The following SLC3A1 variants were observed in gnomAD, a reference collection of about 807,000 sequenced individuals.
SLC3A1 encodes the protein amino acid transporter heavy chain SLC3A1.
In SLC3A1, 78 loss-of-function variants were observed where a neutral mutation model predicts 60.3. That is an observed-to-expected ratio of 1.29 (90% CI 1.08 to 1.56). The LOEUF is 1.56. Ranked by LOEUF, SLC3A1 falls within the 40% of genes most tolerant of loss-of-function variation. The pLI is 0.00. For missense variants in SLC3A1, 1,172 were observed against 858.9 expected (o/e 1.36, Z -4.56); for synonymous variants, 392 against 307.9 (o/e 1.27, Z -2.86).
intron 4 of SLC3A1, among the ~76,000 whole-genome samples, chr2:44,287,708 G>T (rs1671649723): frequency 6.6e-6 from 1 of 152,114 alleles, no homozygotes; most frequent in Non-Finnish European, 1.5e-5. Context: ...TCTTGTTCTT[G>T]TTCTTGCTGC....
chr2:44,318,566 C>G (rs72802999), intron 9 of SLC3A1: 4,665 of 152,110 alleles, frequency 0.031, 103 homozygotes, highest in Non-Finnish European at 0.04. Flanking sequence ...GGTAACATAT[C>G]ACCAACTGTG....
intron 5 of SLC3A1, 88 bp downstream of exon 5, chr2:44,300,178 A>G (rs998877943): frequency 2.2e-6 from 3 of 1,376,072 alleles, no homozygotes; most frequent in Non-Finnish European, 2.1e-6. Context: ...TACCAGTTAC[A>G]AAGATGAGTT....
chr2:44,296,717 G>C (rs1671858767), intron 4 of SLC3A1, among the ~76,000 whole-genome samples: 1 of 152,172 alleles, frequency 6.6e-6, no homozygotes, highest in South Asian at 2.1e-4. Flanking sequence ...CGCACTTCAA[G>C]TCAAACAAGT....
intron 4 of SLC3A1, among the ~76,000 whole-genome samples, chr2:44,298,570 G>T (rs1671916115): frequency 6.6e-6 from 1 of 152,226 alleles, no homozygotes; most frequent in African/African-American, 2.4e-5. Context: ...TAGAGGCGGG[G>T]TTTTACCATG....
chr2:44,313,817 T>C lies in SLC3A1; in HGVS notation c.1501-18T>C. On this transcript the variant is annotated intron_variant, in intron 8 of 9. Transcript: ENST00000260649. ...AATAACCAAACCACTGTTTTCCCTT[T>C]CTGGTCTTTTGACATAGAATACCCT... 1 of 1,578,260 alleles carries C rather than the reference T, an allele frequency of 6.3e-7. No individual in the cohort carries two copies. Among genetic ancestry groups the C allele is most frequent in the Non-Finnish European group, 8.7e-7 (1 of 1,147,288 alleles).
Position 44,299,993 on chromosome 2 carries a change from C to G in SLC3A1, c.914C>G (p.Thr305Arg), listed in dbSNP as rs570291046. Reference protein sequence around the residue: ...EIKEILRFWLTKGVDGFSLDA... With the variant: ...EIKEILRFWLRKGVDGFSLDA... ...TAGGAAATTTTACGGTTCTGGCTCA[C>G]AAAGGGTGTTGATGGTTTTAGTTTG... is the stretch of plus-strand genomic sequence containing the variant. The change falls in exon 5 of 10, where the codon ACA (threonine) becomes AGA (arginine). Residue 305 changes from threonine to arginine, a missense_variant. Thr to Arg is a moderately conservative substitution (Grantham distance 71, BLOSUM62 -1). Transcript: ENST00000260649. 1 of 1,614,068 alleles carries G rather than the reference C, an allele frequency of 6.2e-7. No homozygotes were observed. The highest frequency in any genetic ancestry group is 2.2e-5 in the East Asian group (1 of 44,868).
chr2:44,284,538 T>A (rs1329906145), intron 3 of SLC3A1, among the ~76,000 whole-genome samples: 1 of 152,286 alleles, frequency 6.6e-6, no homozygotes. Context: ...ATTCCTGATA[T>A]TGCCCAACTT....
intron 4 of SLC3A1, 137 bp downstream of exon 4, chr2:44,286,294 C>G (rs1671610997): frequency 1.2e-6 from 1 of 820,638 alleles, no homozygotes; most frequent in Middle Eastern, 3.5e-4. Flanking sequence ...TTATTTGAAA[C>G]ACTTTATATT....
chr2:44,297,318 C>T (rs1331740321), intron 4 of SLC3A1, among the ~76,000 whole-genome samples: 1 of 152,178 alleles, frequency 6.6e-6, no homozygotes, highest in Non-Finnish European at 1.5e-5. Flanking sequence ...GGGGTTGAGG[C>T]AGGTAGCTGA....
rs754041697 is a variant in SLC3A1, at chr2:44,301,065, C to A, written c.1074C>A (p.His358Gln). Residue 358 changes from histidine to glutamine, a missense_variant, in exon 6 of 10, where the codon CAC becomes CAA. By Grantham distance (24) the His-to-Gln change is conservative. Transcript: ENST00000260649. ...HDFTTTQVGMHDIVRSFRQTM... is the reference protein window; with the variant it reads ...HDFTTTQVGMQDIVRSFRQTM... ...TCACCACCACGCAGGTGGGAATGCA[C>A]GACATTGTCCGCAGCTTCCGGCAGA... The A allele has an allele frequency of 1.2e-6, 2 of 1,614,050 alleles. No individual in the cohort carries two copies. The highest frequency in any genetic ancestry group is 1.3e-5 in the African/African-American group (1 of 74,922).
Position 44,321,410 on chromosome 2 carries a change from A to G in SLC3A1, c.*771A>G. On this transcript the variant is annotated 3_prime_UTR_variant, in exon 10 of 10. Coordinates refer to ENST00000260649, the MANE Select transcript of SLC3A1 (RefSeq NM_000341.4). ...CGAAAACACTGGTGCTGTCAAGTCC[A>G]AGTTCCTCGTACAGGAATTTAATTT... 6.2e-7 allele frequency: 1 copy of G among 1,613,246 alleles called. No homozygotes were observed. The highest frequency in any genetic ancestry group is 1.7e-4 in the Middle Eastern group (1 of 6,052).
chr2:44,303,978 CA>C (rs916696937), intron 6 of SLC3A1, 164 bp from the exon 7 acceptor site: 33 of 699,350 alleles, frequency 4.7e-5, no homozygotes, highest in Non-Finnish European at 8.2e-5. Flanking sequence ...TCCAGTCTAA[CA>C]TTTGGTGACA....
intron 4 of SLC3A1, among the ~76,000 whole-genome samples, chr2:44,294,651 C>T (rs1310458012): frequency 3.3e-5 from 5 of 152,090 alleles, no homozygotes; most frequent in South Asian, 4.1e-4. Flanking sequence ...AGCTGGACAG[C>T]GAGAGAGCTG....
intron 1 of SLC3A1, among the ~76,000 whole-genome samples, chr2:44,280,439 A>T (rs190871406): frequency 6.6e-6 from 1 of 152,030 alleles, no homozygotes; most frequent in African/African-American, 2.4e-5. Context: ...GGGTTTTGTC[A>T]TGTTGGCCAG....
chr2:44,298,794 G>A (rs1671923378), intron 4 of SLC3A1, among the ~76,000 whole-genome samples: 1 of 152,174 alleles, frequency 6.6e-6, no homozygotes, highest in South Asian at 2.1e-4. Flanking sequence ...CAGGGGAGAG[G>A]CTGAGCAGGC....
intron 3 of SLC3A1, chr2:44,285,519 G>C (rs1671592783): frequency 2.6e-6 from 1 of 382,022 alleles, no homozygotes; most frequent in South Asian, 2.1e-5. Context: ...CTATTGCTGA[G>C]TACCAACACT....
At position 44,312,773 on chromosome 2, in the gene SLC3A1, A is replaced by C. The variant is rs1244897528; in HGVS notation, c.1500+20A>C. 6.3e-7 allele frequency: 1 copy of C among 1,585,026 alleles called. No homozygotes were observed. The highest frequency in any genetic ancestry group is 1.7e-5 in the Admixed American group (1 of 59,364). Reference sequence around the variant, plus strand: ...GATATTGTAAGTTGAATACAACTTGACTATTCATCACAGCTATAAAACCAA... The same window carrying C: ...GATATTGTAAGTTGAATACAACTTGCCTATTCATCACAGCTATAAAACCAA... On this transcript the variant is annotated intron_variant, in intron 8 of 9. Transcript: ENST00000260649.
intron 2 of SLC3A1, 39 bp downstream of exon 2, chr2:44,280,934 T>G: frequency 6.4e-7 from 1 of 1,550,432 alleles, no homozygotes; most frequent in Non-Finnish European, 8.9e-7. Flanking sequence ...GGGATGAGGT[T>G]TGAGAGAAGC....
intron 9 of SLC3A1, chr2:44,318,299 C>T: frequency 3.8e-6 from 1 of 259,802 alleles, no homozygotes; most frequent in Non-Finnish European, 7.8e-6. Context: ...ACCATGTTGG[C>T]CAGGCTGGTC....
Sources: allele counts gnomAD v4.1 joint callset (sites outside exome capture counted in the v4.1 genomes callset), GRCh38; gene constraint gnomAD v4.1.1; transcripts MANE v1.5; gene names NCBI Gene and HGNC (gene_info 2026-07-23, HGNC 2026-07-21).